Variants in ZCCHC10 observed in about 807,000 individuals in gnomAD.
ZCCHC10 encodes zinc finger CCHC domain-containing protein 10.
A neutral mutation model predicts 19.5 loss-of-function variants in ZCCHC10; 16 were observed. That is an observed-to-expected ratio of 0.82 (90% confidence interval 0.56 to 1.25). The LOEUF (loss-of-function observed/expected upper bound fraction) is 1.25. ZCCHC10 is among the 50% of genes most tolerant of loss of function. The pLI, the probability that ZCCHC10 is intolerant of heterozygous loss-of-function variation, is 0.00. For synonymous variants in ZCCHC10, 67 were observed against 72.5 expected, an observed-to-expected ratio of 0.92 and a Z score of 0.38; for missense variants, 197 against 201.0, an observed-to-expected ratio of 0.98 and a Z score of 0.12.
intron 2 of ZCCHC10, among the ~76,000 whole-genome samples, chr5:133,013,863 C>T (rs777433594): frequency 2.0e-5 from 3 of 151,756 alleles, no homozygotes; most frequent in Non-Finnish European, 4.4e-5. Flanking sequence ...CTCTATGGCC[C>T]AGCAATTCTA....
intron 3 of ZCCHC10, among the ~76,000 whole-genome samples, chr5:133,000,832 A>G (rs1762722408): frequency 6.6e-6 from 1 of 151,472 alleles, no homozygotes. Flanking sequence ...TAGTAGAGAC[A>G]GGGTTTTATC....
chr5:133,012,169 AAAAAAAG>A (rs1191592194), intron 2 of ZCCHC10, among the ~76,000 whole-genome samples: 1 of 150,482 alleles, frequency 6.6e-6, no homozygotes, highest in Non-Finnish European at 1.5e-5. Context: ...AGAAAGAAAG[AAAAAAAG>A]AAAAAAGTGG....
intron 3 of ZCCHC10, among the ~76,000 whole-genome samples, chr5:133,006,185 A>C: frequency 6.6e-6 from 1 of 151,858 alleles, no homozygotes; most frequent in Non-Finnish European, 1.5e-5. Flanking sequence ...GAATTTCACC[A>C]TGTTGGCCAG....
chr5:133,011,935 G>A (rs1273275401), intron 2 of ZCCHC10, among the ~76,000 whole-genome samples: 2 of 151,940 alleles, frequency 1.3e-5, no homozygotes, highest in African/African-American at 4.8e-5. Context: ...TTCGAGACCA[G>A]TGTGGGCAAC....
Position 133,006,767 on chromosome 5 carries a change from C to T in ZCCHC10, c.261G>A (p.Leu87=). Residue 87 remains leucine, a synonymous_variant, in exon 3 of 5, where the codon TTG becomes TTA. Transcript: ENST00000509437. ...ACCACATGTAAACCTACCTTTGTTG[C>T]AATAATAATCTGTTTTCTTTTTCTT... is the stretch of plus-strand genomic sequence containing the variant. ...ALKEKENRLL[L]QQSIGETNVE... is the part of the protein sequence containing the mutation. 1 of 1,601,076 alleles carries T rather than the reference C, an allele frequency of 6.2e-7. No individual in the cohort carries two copies. The highest frequency in any genetic ancestry group is 2.2e-5 in the East Asian group (1 of 44,630).
chr5:133,026,175 C>G (rs1050376235), intron 1 of ZCCHC10, among the ~76,000 whole-genome samples: 2 of 152,200 alleles, frequency 1.3e-5, no homozygotes, highest in Non-Finnish European at 1.5e-5. Context: ...TCAGGGCTCC[C>G]CTGTCCACGC....
Position 133,008,007 on chromosome 5 carries a change from C to T in ZCCHC10, c.108-1087G>A, listed in dbSNP as rs181037206. ...TTGGGAGGCTAAGGCAGGCGGATCA[C>T]GAGGTCAGGAGATCGAGACCATCCT... On this transcript the variant is annotated intron_variant, in intron 2 of 4. Coordinates refer to ENST00000509437, the MANE Select transcript of ZCCHC10 (RefSeq NM_001300816.3). Among the ~76,000 whole-genome samples the T allele has an allele frequency of 2.9e-3, 425 of 148,330 alleles. 1 individual carries two copies. Among genetic ancestry groups the T allele is most frequent in the Non-Finnish European group, 4.7e-3 (317 of 66,902 alleles).
intron 2 of ZCCHC10, among the ~76,000 whole-genome samples, chr5:133,016,842 C>G (rs943631493): frequency 6.6e-6 from 1 of 152,062 alleles, no homozygotes; most frequent in African/African-American, 2.4e-5. Flanking sequence ...AACCAATTGC[C>G]CATTGTTGCC....
At position 132,997,146 on chromosome 5, in the gene ZCCHC10, T is replaced by A. The variant is rs967111878; in HGVS notation, c.*1437A>T. 1.4e-4 allele frequency: 21 copies of A among 152,194 alleles called. No homozygotes were observed. The highest frequency in any genetic ancestry group is 4.6e-4 in the African/African-American group (19 of 41,446). The allele number at this position is 152,194 out of a possible 1,614,324, so 9.4% of individuals were successfully genotyped here. A position where few individuals can be genotyped will look rare whatever the true frequency, so the allele number is the denominator to read the frequency against. The stretch of plus-strand genomic sequence containing the variant: ...ATTGGTAATTTATTAACTCTATCTG[T>A]CAAGTGATAATATTCTGTAGGCAGC... On this transcript the variant is annotated 3_prime_UTR_variant, in exon 5 of 5. Coordinates refer to ENST00000509437, the MANE Select transcript of ZCCHC10 (RefSeq NM_001300816.3).
Position 133,013,924 on chromosome 5 carries a change from T to A in ZCCHC10, c.108-7004A>T, listed in dbSNP as rs182552202. Among the ~76,000 whole-genome samples the A allele has an allele frequency of 3.5e-3, 536 of 152,226 alleles. 1 individual carries two copies. The highest frequency in any genetic ancestry group is 6.1e-3 in the Non-Finnish European group (412 of 68,028). On this transcript the variant is annotated intron_variant, in intron 2 of 4. Coordinates refer to ENST00000509437, the MANE Select transcript of ZCCHC10 (RefSeq NM_001300816.3). Reference sequence around the variant, plus strand: ...CAAGTATACCAAAAAATATTTACAATATTGCTTTTCCTTTATGTATTATAG... The same window carrying A: ...CAAGTATACCAAAAAATATTTACAAAATTGCTTTTCCTTTATGTATTATAG...
At chr5:133,025,285 T>A (rs1310869435) in intron 1 of ZCCHC10, among the ~76,000 whole-genome samples, 1 of 151,802 alleles carries the variant, frequency 6.6e-6, no homozygotes, top group Non-Finnish European at 1.5e-5. Context: ...CGGGCGGATC[T>A]CGAGGTCAGG....
At chr5:133,010,349 C>T (rs1308608435) in intron 2 of ZCCHC10, among the ~76,000 whole-genome samples, 1 of 151,718 alleles carries the variant, frequency 6.6e-6, no homozygotes, top group Non-Finnish European at 1.5e-5. Context: ...GTGCCCAGTA[C>T]AGGTCAGCAA....
intron 2 of ZCCHC10, among the ~76,000 whole-genome samples, chr5:133,018,407 CTCTT>C (rs919820073): frequency 3.3e-5 from 5 of 151,570 alleles, no homozygotes; most frequent in African/African-American, 1.2e-4. Flanking sequence ...CTTGGCCTCT[CTCTT>C]TTTTTTGAGA....
chr5:133,007,389 A>C (rs1478377273), intron 2 of ZCCHC10, among the ~76,000 whole-genome samples: 1 of 152,030 alleles, frequency 6.6e-6, no homozygotes, highest in Non-Finnish European at 1.5e-5. Context: ...AAAAATACAA[A>C]AAAATTAGCC....
intron 3 of ZCCHC10, among the ~76,000 whole-genome samples, chr5:133,004,136 A>C: frequency 6.6e-6 from 1 of 152,004 alleles, no homozygotes; most frequent in South Asian, 2.1e-4. Context: ...TTATTTTTTC[A>C]ATAGAGATGG....
chr5:133,024,518 G>T (rs1218058604), intron 1 of ZCCHC10, among the ~76,000 whole-genome samples: 1 of 152,234 alleles, frequency 6.6e-6, no homozygotes, highest in Non-Finnish European at 1.5e-5. Flanking sequence ...GAAAGAGCAA[G>T]CATGAGAGAC....
rs1000765840 is a variant in ZCCHC10 at position 133,000,000 on chromosome 5, G to T, written c.311+132C>A. The T allele has an allele frequency of 9.9e-6, 9 of 905,606 alleles. No individual in the cohort carries two copies. In the Admixed American group the frequency reaches 1.0e-4, roughly 10 times the overall value. 56.1% of individuals were successfully genotyped at this position (905,606 alleles called of 1,614,324 possible). ...TGACCTCAGGTGATCCACCCACCTT[G>T]GCCTCCCAAAGTGCTGGGATTATAG... On this transcript the variant is annotated intron_variant, in intron 4 of 4. Transcript: ENST00000509437.
At chr5:133,016,925 T>C (rs895003716) in intron 2 of ZCCHC10, among the ~76,000 whole-genome samples, 2 of 148,496 alleles carry the variant, frequency 1.3e-5, no homozygotes, top group Non-Finnish European at 3.0e-5. Context: ...ACGACTCCCA[T>C]TGCCAGGCAG....
intron 2 of ZCCHC10, among the ~76,000 whole-genome samples, chr5:133,008,891 T>C (rs1451815254): frequency 1.3e-5 from 2 of 152,000 alleles, no homozygotes; most frequent in African/African-American, 4.8e-5. Flanking sequence ...CAAACAGCTG[T>C]AGTCCCAGCT....
Sources: gnomAD v4.1 joint callset for allele counts (sites outside exome capture counted in the v4.1 genomes callset) on GRCh38, gnomAD v4.1.1 for gene constraint, MANE v1.5 for transcripts, NCBI Gene and HGNC (gene_info 2026-07-23, HGNC 2026-07-21) for gene names.